Variants in SYNCRIP observed in about 807,000 individuals in gnomAD.
SYNCRIP encodes heterogeneous nuclear ribonucleoprotein Q.
In SYNCRIP, 9 loss-of-function variants were observed where a neutral mutation model predicts 68.9. The ratio of observed to expected loss-of-function variants is 0.13; its 90% CI spans 0.08 to 0.23. The LOEUF (loss-of-function observed/expected upper bound fraction) is 0.23. Ranked by LOEUF, SYNCRIP falls within the 10% of genes least tolerant of loss-of-function variation. The probability of loss-of-function intolerance (pLI) is 1.00; values close to 1 mark genes in which losing one functional copy is unlikely to be tolerated. For synonymous variants in SYNCRIP, 258 were observed against 254.0 expected, an observed-to-expected ratio of 1.02 and a Z score of -0.15; for missense variants, 414 against 770.6, an observed-to-expected ratio of 0.54 and a Z score of 5.48.
chr6:85,608,422 T>C (rs1804990963), exon 12 of SYNCRIP: 1 of 151,952 alleles, frequency 6.6e-6, no homozygotes, highest in Non-Finnish European at 1.5e-5. Flanking sequence ...TCAGAGGCAG[T>C]ACAGATAGTA....
At chr6:85,641,552 G>C (rs928406034) in intron 1 of SYNCRIP, 101 bp from the exon 2 acceptor site, 11 of 1,193,914 alleles carry the variant, frequency 9.2e-6, no homozygotes, top group Non-Finnish European at 1.3e-5. Flanking sequence ...TACTACACCA[G>C]CTAGCCTATA....
chr6:85,633,173 G>A (rs1227693611), intron 6 of SYNCRIP, among the ~76,000 whole-genome samples: 6 of 151,324 alleles, frequency 4.0e-5, no homozygotes, highest in South Asian at 2.1e-4. Flanking sequence ...GGAGAATGGC[G>A]TGAACCCGGG....
chr6:85,615,918 CA>C (rs1160221882), intron 10 of SYNCRIP, among the ~76,000 whole-genome samples: 1 of 152,178 alleles, frequency 6.6e-6, no homozygotes, highest in Non-Finnish European at 1.5e-5. Context: ...AGCACACAAC[CA>C]AAATGTGTGA....
chr6:85,643,783 C>G (rs1464334466), upstream of SYNCRIP: 1 of 152,174 alleles, frequency 6.6e-6, no homozygotes, highest in Non-Finnish European at 1.5e-5. Context: ...GCCCCCGGCT[C>G]CGCGGCCGCG....
At chr6:85,637,491 C>A (rs1808593943) in intron 4 of SYNCRIP, 135 bp from the exon 5 acceptor site, 1 of 599,948 alleles carries the variant, frequency 1.7e-6, no homozygotes, top group South Asian at 2.3e-5. Flanking sequence ...TTTGTGATGT[C>A]TGTTTTAAAA....
intron 9 of SYNCRIP, 123 bp downstream of exon 9, chr6:85,619,145 T>C (rs1335229537): frequency 2.1e-6 from 3 of 1,399,566 alleles, no homozygotes; most frequent in East Asian, 4.6e-5. Flanking sequence ...AACCAAAAGG[T>C]TTTAGTTTGA....
chr6:85,629,894 G>A (rs1807522181), intron 6 of SYNCRIP, among the ~76,000 whole-genome samples: 1 of 151,568 alleles, frequency 6.6e-6, no homozygotes, highest in African/African-American at 2.4e-5. Flanking sequence ...CGAGGCAGCA[G>A]AATCTCCTGA....
chr6:85,626,674 A>C (rs187994153), intron 6 of SYNCRIP, among the ~76,000 whole-genome samples: 53 of 152,364 alleles, frequency 3.5e-4, no homozygotes, highest in African/African-American at 1.3e-3. Context: ...AGGCAACAAT[A>C]ATCAAAGAAA....
At chr6:85,611,199 G>A (rs889689577), downstream of SYNCRIP, 1 of 151,982 alleles carries the variant, frequency 6.6e-6, no homozygotes, top group Non-Finnish European at 1.5e-5. Context: ...TAAACATACT[G>A]AAATGTGTGC....
At chr6:85,642,243 T>A (rs977212766) in intron 1 of SYNCRIP, among the ~76,000 whole-genome samples, 5 of 151,824 alleles carry the variant, frequency 3.3e-5, no homozygotes, top group African/African-American at 9.7e-5. Context: ...CCGTGACACA[T>A]GGCTCTCCGC....
At position 85,618,844 on chromosome 6, in the gene SYNCRIP, A is replaced by G. The variant is rs770363785; in HGVS notation, c.1254T>C (p.Ala418=). 8 of 1,611,744 alleles carry G rather than the reference A, an allele frequency of 5.0e-6. No individual in the cohort carries two copies. In the South Asian group the frequency reaches 8.8e-5, roughly 18 times the overall value. ...TTTGATTTTTTGCTGCTTGCCTCTG[A>G]GCTTTTCTTTCTTTCCTTTTCTGAT... is the stretch of plus-strand genomic sequence containing the variant. The part of the protein sequence containing the change: ...PPDQKRKERK[A]QRQAAKNQMY... Residue 418 remains alanine, a synonymous_variant, in exon 10 of 11, where the codon GCT becomes GCC. Coordinates refer to ENST00000369622, the MANE Select transcript of SYNCRIP (RefSeq NM_006372.5).
intron 6 of SYNCRIP, among the ~76,000 whole-genome samples, chr6:85,636,307 G>A (rs1297250809): frequency 3.3e-5 from 5 of 151,936 alleles, no homozygotes; most frequent in South Asian, 2.1e-4. Context: ...TAGCCTGAGC[G>A]TGGTGGCAGG....
At position 85,618,848 on chromosome 6, in the gene SYNCRIP, T is replaced by C; in HGVS notation, c.1250A>G (p.Lys417Arg). The change falls in exon 10 of 11, where the codon AAA becomes AGA. Residue 417 changes from lysine (K) to arginine (R), a missense_variant. By Grantham distance (26) the Lys-to-Arg change is conservative. This residue lies in a region of SYNCRIP where 51 missense variants were observed against 151.1 expected (regional missense o/e 0.34). Transcript: ENST00000369622. Reference sequence around the variant, plus strand: ...ATTTTTTGCTGCTTGCCTCTGAGCTTTTCTTTCTTTCCTTTTCTGATCTGG... The same window carrying C: ...ATTTTTTGCTGCTTGCCTCTGAGCTCTTCTTTCTTTCCTTTTCTGATCTGG... ...KPPDQKRKER[K>R]AQRQAAKNQM... The C allele has an allele frequency of 6.2e-7, 1 of 1,612,408 alleles. No homozygotes were observed.
intron 6 of SYNCRIP, among the ~76,000 whole-genome samples, chr6:85,630,070 A>G (rs1349916788): frequency 6.6e-6 from 1 of 151,976 alleles, no homozygotes; most frequent in Non-Finnish European, 1.5e-5. Flanking sequence ...AGCTATTAAA[A>G]TAACTTGTGG....
chr6:85,610,467 A>T (rs539871262), downstream of SYNCRIP: 1 of 152,070 alleles, frequency 6.6e-6, no homozygotes, highest in South Asian at 2.1e-4. Flanking sequence ...TCCCCAAATT[A>T]AGAATGCCAA....
intron 5 of SYNCRIP, 23 bp downstream of exon 5, chr6:85,637,220 G>A (rs769226844): frequency 5.7e-5 from 91 of 1,609,352 alleles, no homozygotes; most frequent in Middle Eastern, 5.0e-4. Flanking sequence ...ACTACAAAAG[G>A]TACAAGTTTT....
intron 6 of SYNCRIP, among the ~76,000 whole-genome samples, chr6:85,625,879 G>A (rs770586949): frequency 1.3e-5 from 2 of 152,078 alleles, no homozygotes; most frequent in Admixed American, 6.6e-5. Context: ...GAGTGATTTT[G>A]CCCCCCAGAA....
intron 6 of SYNCRIP, among the ~76,000 whole-genome samples, chr6:85,629,697 C>T (rs1297348986): frequency 3.9e-5 from 6 of 152,028 alleles, no homozygotes; most frequent in Non-Finnish European, 7.4e-5. Flanking sequence ...TGGTGCTCAC[C>T]TGTAGTCCCA....
Position 85,614,696 on chromosome 6 carries a change from ATTTAGGGTGAGT to A in SYNCRIP, c.*48_*59del. On this transcript the variant is annotated 3_prime_UTR_variant, in exon 11 of 11. Coordinates refer to ENST00000369622, the MANE Select transcript of SYNCRIP (RefSeq NM_006372.5). Reference sequence around the variant, plus strand: ...ACAAATTATAGCGGCACCCGTTCAGATTTAGGGTGAGTTTCTGATCAACCTATCAGTCTCCAA... The same window carrying A: ...ACAAATTATAGCGGCACCCGTTCAGATTCTGATCAACCTATCAGTCTCCAA... The A allele has an allele frequency of 6.6e-7, 1 of 1,505,062 alleles. No individual in the cohort carries two copies. Among genetic ancestry groups the A allele is most frequent in the East Asian group, 2.3e-5 (1 of 43,002 alleles). The allele number at this position is 1,505,062 out of a possible 1,614,324, so 93.2% of individuals were successfully genotyped here.
Sources: gnomAD v4.1 joint callset for allele counts (sites outside exome capture counted in the v4.1 genomes callset) on GRCh38, gnomAD v4.1.1 for gene constraint, gnomAD v4.1.1 regional missense constraint, MANE v1.5 for transcripts, NCBI Gene and HGNC (gene_info 2026-07-23, HGNC 2026-07-21) for gene names.